The following KRT6C variants were observed in gnomAD, a reference collection of about 807,000 sequenced individuals.
KRT6C encodes the protein keratin, type II cytoskeletal 6C.
KRT6C carries 46 observed loss-of-function variants against 49.4 expected under a neutral mutation model. That is an observed-to-expected ratio of 0.93 (90% CI 0.74 to 1.19). The LOEUF (loss-of-function observed/expected upper bound fraction) is 1.19. Among genes scored for constraint, KRT6C ranks in the 50% most tolerant of loss-of-function variants. KRT6C has a pLI of 0.00. For synonymous variants in KRT6C, 236 were observed against 297.1 expected, an observed-to-expected ratio of 0.79 and a Z score of 2.12; for missense variants, 552 against 737.5, an observed-to-expected ratio of 0.75 and a Z score of 2.91.
chr12:52,470,666 C>T (rs201353060), intron 5 of KRT6C, 36 bp from the exon 6 acceptor site: 66 of 1,613,556 alleles, frequency 4.1e-5, no homozygotes, highest in Admixed American at 1.8e-4. Context: ...ACAGTGTCTA[C>T]GGGTTCTTAC....
chr12:52,471,768 G>A, intron 2 of KRT6C, 36 bp from the exon 3 acceptor site: 1 of 1,613,618 alleles, frequency 6.2e-7, no homozygotes, highest in Non-Finnish European at 8.5e-7. Flanking sequence ...ATATGAGCCA[G>A]TGGGTAGGAT....
intron 1 of KRT6C, 110 bp from the exon 2 acceptor site, chr12:52,472,390 A>G: frequency 9.8e-7 from 1 of 1,015,788 alleles, no homozygotes; most frequent in Admixed American, 2.2e-5. Context: ...GGGCTACTAC[A>G]GTGCATGTGG....
Position 52,469,807 on chromosome 12 carries a change from C to T in KRT6C, c.1287G>A (p.Gly429=). The T allele has an allele frequency of 6.2e-7, 1 of 1,614,130 alleles. No individual in the cohort carries two copies. Among genetic ancestry groups the T allele is most frequent in the Non-Finnish European group, 8.5e-7 (1 of 1,180,004 alleles). ...ALKDAKNKLE[G]LEDALQKAKQ... is the part of the protein sequence containing the mutation. Reference sequence around the variant, plus strand: ...TGGCCTTCTGCAGGGCATCCTCCAGCCCTTCCAGCTTGTTCTTAGCATCCT... The same window carrying T: ...TGGCCTTCTGCAGGGCATCCTCCAGTCCTTCCAGCTTGTTCTTAGCATCCT... The change falls in exon 7 of 9, where the codon GGG becomes GGA. Residue 429 remains glycine (G), a synonymous_variant. Transcript: ENST00000252250.
Position 52,473,444 on chromosome 12 carries a change from A to G in KRT6C, c.294T>C (p.Ser98=), listed in dbSNP as rs1387932030. The G allele has an allele frequency of 3.7e-6, 5 of 1,369,534 alleles. No homozygotes were observed. In the South Asian group the frequency reaches 6.0e-5, roughly 17 times the overall value. 84.8% of individuals were successfully genotyped at this position (1,369,534 alleles called of 1,614,324 possible). Residue 98 remains serine, a synonymous_variant, in exon 1 of 9, where the codon AGT becomes AGC. Transcript: ENST00000252250. ...CGGCTCCACCACCGAAACCAAATCC[A>G]CTCCCGGCGCCACCAAAGCCATAGC... ...GGSYGFGGAG[S]GFGFGGGAGI...
chr12:52,469,657 G>A lies in KRT6C; in HGVS notation c.1424+13C>T, dbSNP rs369197930. ...GGACTCAGCTGTTGGAGGAAGTCGC[G>A]TCAGTTACCTACCTGCACTCCTCGC... On this transcript the variant is annotated intron_variant, in intron 7 of 8. Transcript: ENST00000252250. The A allele has an allele frequency of 2.1e-5, 34 of 1,614,050 alleles. No individual in the cohort carries two copies. The East Asian group carries it at 4.0e-4, about 19-fold the overall frequency.
rs375539593 is a variant in KRT6C at position 52,473,420 on chromosome 12, G to A, written c.318C>T (p.Ala106=). The A allele has an allele frequency of 1.1e-5, 15 of 1,336,388 alleles. No individual in the cohort carries two copies. Among genetic ancestry groups the A allele is most frequent in the Non-Finnish European group, 1.5e-5 (14 of 964,776 alleles). 82.8% of individuals were successfully genotyped at this position (1,336,388 alleles called of 1,614,324 possible). ...CACCACCCAGACCAAAGCCAATGCCGGCTCCACCACCGAAACCAAATCCAC... is the reference window on the plus strand; with the variant it reads ...CACCACCCAGACCAAAGCCAATGCCAGCTCCACCACCGAAACCAAATCCAC... ...AGSGFGFGGG[A]GIGFGLGGGA... The change falls in exon 1 of 9, where the codon GCC becomes GCT. Residue 106 remains alanine (A), a synonymous_variant. Transcript: ENST00000252250.
rs1937818944 is a variant in KRT6C, at chr12:52,468,861, G to A, written c.*201C>T. ...AATACATTATGATGTAAAATCAAAG[G>A]TTGATCTGATGGTGAGCAATGGGTG... is the stretch of plus-strand genomic sequence containing the variant. On this transcript the variant is annotated 3_prime_UTR_variant, in exon 9 of 9. Coordinates refer to ENST00000252250, the MANE Select transcript of KRT6C (RefSeq NM_173086.5). The A allele has an allele frequency of 1.6e-6, 1 of 633,692 alleles. No homozygotes were observed. The highest frequency in any genetic ancestry group is 2.8e-6 in the Non-Finnish European group (1 of 360,622). 39.3% of individuals were successfully genotyped at this position (633,692 alleles called of 1,614,324 possible).
intron 4 of KRT6C, 27 bp downstream of exon 4, chr12:52,471,394 A>T (rs1937879709): frequency 6.2e-7 from 1 of 1,614,104 alleles, no homozygotes; most frequent in East Asian, 2.2e-5. Flanking sequence ...CCATCAGAGT[A>T]AACAGAAGGA....
Position 52,472,499 on chromosome 12 carries a change from C to T in KRT6C, c.541-219G>A, listed in dbSNP as rs12298530. On this transcript the variant is annotated intron_variant, in intron 1 of 8. Coordinates refer to ENST00000252250, the MANE Select transcript of KRT6C (RefSeq NM_173086.5). ...CCCATGGACCATTGAGGTGTTCTCA[C>T]GCTGTAAGCTATTGATCATCAGTGA... Among the ~76,000 whole-genome samples the T allele has an allele frequency of 8.1e-3, 1,099 of 135,198 alleles. 83 individuals carry two copies. The highest frequency in any genetic ancestry group is 0.026 in the African/African-American group (1,040 of 40,768). The allele number at this position is 135,198 out of a possible 152,430, so 88.7% of individuals were successfully genotyped here.
chr12:52,470,741 C>T, intron 5 of KRT6C, 111 bp from the exon 6 acceptor site: 1 of 1,609,290 alleles, frequency 6.2e-7, no homozygotes, highest in Non-Finnish European at 8.5e-7. Context: ...GGCTTCTCCT[C>T]AAGAAACTTG....
At chr12:52,472,795 C>T (rs1424845584) in intron 1 of KRT6C, among the ~76,000 whole-genome samples, 4 of 138,184 alleles carry the variant, frequency 2.9e-5, no homozygotes, top group Non-Finnish European at 6.6e-5. Context: ...TTTTCTTAAT[C>T]CAGCCAGATT....
At chr12:52,470,108 G>A (rs376758) in intron 6 of KRT6C, 212,012 of 653,046 alleles carry the variant, frequency 0.32, 38,488 homozygotes, top group East Asian at 0.56. Flanking sequence ...GAGAATGTGC[G>A]TTGCATCTTA....
chr12:52,473,714 G>A lies in KRT6C; in HGVS notation c.24C>T (p.Ile8=). The change falls in exon 1 of 9, where the codon ATC becomes ATT. Residue 8 remains isoleucine, a synonymous_variant. Transcript: ENST00000252250. ...CCCGGCGGCTGCTGCTGTGGCTCCT[G>A]ATGGTGGTGGATGTGCTGGCCATGG... The part of the protein sequence containing the change: MASTSTT[I]RSHSSSRRGF... The A allele has an allele frequency of 6.2e-7, 1 of 1,613,896 alleles. No homozygotes were observed. Among genetic ancestry groups the A allele is most frequent in the Non-Finnish European group, 8.5e-7 (1 of 1,180,016 alleles).
At chr12:52,472,340 A>G in intron 1 of KRT6C, 60 bp from the exon 2 acceptor site, 1 of 1,351,374 alleles carries the variant, frequency 7.4e-7, no homozygotes, top group South Asian at 1.2e-5. Context: ...AGTGTCTGGT[A>G]TCCAGTTTCC....
rs760674117 is a variant in KRT6C, at chr12:52,472,206, A to G, written c.615T>C (p.Thr205=). 191 of 1,480,380 alleles carry G rather than the reference A, an allele frequency of 1.3e-4. 25 individuals carry two copies. Among genetic ancestry groups the G allele is most frequent in the Non-Finnish European group, 1.7e-4 (179 of 1,071,536 alleles). The allele number at this position is 1,480,380 out of a possible 1,614,324, so 91.7% of individuals were successfully genotyped here. The change falls in exon 2 of 9, where the codon ACT becomes ACC. Residue 205 remains threonine (T), a synonymous_variant. Coordinates refer to ENST00000252250, the MANE Select transcript of KRT6C (RefSeq NM_173086.5). ...WTLLQEQGTK[T]VRQNLEPLFE... is the part of the protein sequence containing the mutation. ...ACAACGGCTCCAGGTTCTGCCTCAC[A>G]GTCTTGGTGCCCTGCTCCTGCAGCA...
Position 52,473,626 on chromosome 12 carries a change from C to G in KRT6C, c.112G>C (p.Val38Leu), listed in dbSNP as rs772675969. ...CCACCACTGCCCCTGGAGCGGGACA[C>G]GGAGATGCTGCTGAAGCCAGAGCGG... The part of the protein sequence containing the change: ...VSRSGFSSIS[V>L]SRSRGSGGLG... The change falls in exon 1 of 9, where the codon GTG becomes CTG. Residue 38 changes from valine (V) to leucine (L), a missense_variant. This residue lies in a region of KRT6C where 73 missense variants were observed against 102.1 expected (regional missense o/e 0.71). Transcript: ENST00000252250. 6.2e-7 allele frequency: 1 copy of G among 1,610,512 alleles called. No homozygotes were observed. The highest frequency in any genetic ancestry group is 8.5e-7 in the Non-Finnish European group (1 of 1,179,358).
At chr12:52,470,675 A>G (rs1937861728) in intron 5 of KRT6C, 45 bp from the exon 6 acceptor site, 1 of 1,613,346 alleles carries the variant, frequency 6.2e-7, no homozygotes, top group Non-Finnish European at 8.5e-7. Flanking sequence ...ACGGGTTCTT[A>G]CCTGGGAGCG....
At chr12:52,471,545 A>G (rs374496704) in intron 3 of KRT6C, 29 bp from the exon 4 acceptor site, 118 of 1,611,372 alleles carry the variant, frequency 7.3e-5, no homozygotes, top group Admixed American at 3.2e-4. Context: ...ACCTGGAGTT[A>G]CCTGAGCTCA....
rs3847831 is a variant in KRT6C, at chr12:52,470,991, T to C, written c.1077+141A>G. 293,318 of 1,436,646 alleles carry C rather than the reference T, an allele frequency of 0.2. 31,104 individuals are homozygous for C. The highest frequency in any genetic ancestry group is 0.32 in the Admixed American group (18,574 of 58,480). 89.0% of individuals were successfully genotyped at this position (1,436,646 alleles called of 1,614,324 possible). A position where few individuals can be genotyped will look rare whatever the true frequency, so the allele number is the denominator to read the frequency against. Reference sequence around the variant, plus strand: ...GACTTGCACATAAGTTCCCCAAATGTCTACTCTAATAGTGCAGAGTGCATG... The same window carrying C: ...GACTTGCACATAAGTTCCCCAAATGCCTACTCTAATAGTGCAGAGTGCATG... On this transcript the variant is annotated intron_variant, in intron 5 of 8. Transcript: ENST00000252250.
Sources: gnomAD v4.1 joint callset for allele counts (sites outside exome capture counted in the v4.1 genomes callset) on GRCh38, gnomAD v4.1.1 for gene constraint, gnomAD v4.1.1 regional missense constraint, MANE v1.5 for transcripts, NCBI Gene and HGNC (gene_info 2026-07-23, HGNC 2026-07-21) for gene names.